KSR2: variants seen among roughly 807,000 people sequenced by gnomAD.
KSR2 encodes the protein kinase suppressor of ras 2.
A neutral mutation model predicts 107.8 loss-of-function variants in KSR2; 25 were observed. The ratio of observed to expected loss-of-function variants is 0.23; its 90% CI spans 0.17 to 0.32. The LOEUF is 0.32. Among genes scored for constraint, KSR2 ranks in the 10% least tolerant of loss-of-function variants. The pLI is 1.00. For synonymous variants in KSR2, 480 were observed against 507.0 expected (o/e 0.95, Z 0.71); for missense variants, 887 against 1,268.9 (o/e 0.70, Z 4.57).
intron 12 of KSR2, among the ~76,000 whole-genome samples, chr12:117,527,326 G>C (rs7308318): frequency 0.015 from 1,057 of 71,496 alleles, 16 homozygotes; most frequent in African/African-American, 0.05. Flanking sequence ...CACACACACA[G>C]ACACACACAC....
chr12:117,637,684 T>TTTTTTG (rs1555223743), intron 5 of KSR2, among the ~76,000 whole-genome samples: 2 of 133,032 alleles, frequency 1.5e-5, no homozygotes, highest in South Asian at 2.7e-4. Flanking sequence ...GGTTTTTTTT[T>TTTTTTG]TTTTTTTTTT....
At chr12:117,709,734 T>A (rs1261121664) in intron 4 of KSR2, among the ~76,000 whole-genome samples, 1 of 152,182 alleles carries the variant, frequency 6.6e-6, no homozygotes, top group Non-Finnish European at 1.5e-5. Context: ...ACTGTTGACA[T>A]TTGGGGCCAG....
intron 5 of KSR2, among the ~76,000 whole-genome samples, chr12:117,583,400 A>G (rs1417648111): frequency 3.7e-5 from 4 of 107,660 alleles, no homozygotes; most frequent in Non-Finnish European, 7.6e-5. Flanking sequence ...TGGGTGGGTG[A>G]GTGAGTGGAT....
intron 5 of KSR2, among the ~76,000 whole-genome samples, chr12:117,656,958 A>ATATATATATAT (rs1555225255): frequency 3.4e-5 from 3 of 87,948 alleles, no homozygotes; most frequent in Non-Finnish European, 5.9e-5. Context: ...ATATATATAT[A>ATATATATATAT]ATAGGATATA....
intron 4 of KSR2, among the ~76,000 whole-genome samples, chr12:117,698,990 C>T (rs1486799285): frequency 6.6e-6 from 1 of 152,178 alleles, no homozygotes; most frequent in Non-Finnish European, 1.5e-5. Context: ...ATCAGAGAGG[C>T]CATCCCGTCC....
Position 117,860,867 on chromosome 12 carries a change from C to T in KSR2, c.181-436G>A, listed in dbSNP as rs146140033. ...CCAAGTATCTGGGATTACAGGCGCG[C>T]GCCACCATGCCTGGCTAATTTTTGT... On this transcript the variant is annotated intron_variant, in intron 1 of 19. Transcript: ENST00000339824. Among the ~76,000 whole-genome samples, 1,318 of 152,140 alleles carry T rather than the reference C, an allele frequency of 8.7e-3. 13 individuals carry two copies. The highest frequency in any genetic ancestry group is 0.013 in the Non-Finnish European group (877 of 68,008).
At chr12:117,869,719 T>C (rs1893590618) in intron 1 of KSR2, among the ~76,000 whole-genome samples, 1 of 152,238 alleles carries the variant, frequency 6.6e-6, no homozygotes, top group African/African-American at 2.4e-5. Context: ...ATCTTCTGCA[T>C]GAAGGATTCC....
At chr12:117,898,938 C>T (rs1372367814) in intron 1 of KSR2, among the ~76,000 whole-genome samples, 1 of 152,140 alleles carries the variant, frequency 6.6e-6, no homozygotes, top group African/African-American at 2.4e-5. Context: ...TAAATTCCTA[C>T]TTGGAGGCAG....
In KSR2 at chr12:117,615,569, T is replaced by A. The variant is rs117512338; in HGVS notation, c.1172-33210A>T. 1.5e-4 allele frequency among the ~76,000 whole-genome samples: 23 copies of A among 152,188 alleles called. No homozygotes were observed. The East Asian group carries it at 2.5e-3, about 17-fold the overall frequency. On this transcript the variant is annotated intron_variant, in intron 5 of 19. Coordinates refer to ENST00000339824, the MANE Select transcript of KSR2 (RefSeq NM_173598.6). ...CTGTGAAACTAGGGCTCCCATGTCATAAGGAAACTCAAGGAGACCAATAGA... is the reference window on the plus strand; with the variant it reads ...CTGTGAAACTAGGGCTCCCATGTCAAAAGGAAACTCAAGGAGACCAATAGA...
chr12:117,787,006 G>T (rs1026220067), intron 3 of KSR2, among the ~76,000 whole-genome samples: 1 of 147,732 alleles, frequency 6.8e-6, no homozygotes. Context: ...TGCAGCCTGG[G>T]TAACAAGAGC....
chr12:117,828,904 C>T (rs1891853352), intron 3 of KSR2, among the ~76,000 whole-genome samples: 1 of 152,328 alleles, frequency 6.6e-6, no homozygotes, highest in South Asian at 2.1e-4. Flanking sequence ...CCATTGGCCT[C>T]AGAAGGTGGG....
chr12:117,589,728 T>C (rs1880211347), intron 5 of KSR2, among the ~76,000 whole-genome samples: 1 of 152,260 alleles, frequency 6.6e-6, no homozygotes, highest in South Asian at 2.1e-4. Context: ...AGGATAACTC[T>C]ATTTGCTTTA....
At chr12:117,821,118 T>C (rs1319211541) in intron 3 of KSR2, among the ~76,000 whole-genome samples, 3 of 152,164 alleles carry the variant, frequency 2.0e-5, no homozygotes, top group Admixed American at 1.3e-4. Flanking sequence ...ATAATGCTGT[T>C]GGGAGGATTA....
chr12:117,781,211 C>T (rs1190569173), intron 3 of KSR2, among the ~76,000 whole-genome samples: 3 of 152,220 alleles, frequency 2.0e-5, no homozygotes, highest in African/African-American at 4.8e-5. Flanking sequence ...CCGCCATGAT[C>T]GTGAGGCCTC....
chr12:117,521,079 T>C (rs1331222920), intron 14 of KSR2, among the ~76,000 whole-genome samples: 1 of 152,168 alleles, frequency 6.6e-6, no homozygotes, highest in Non-Finnish European at 1.5e-5. Flanking sequence ...TGAGAACCCC[T>C]GCCCTCTCCA....
At chr12:117,690,919 T>C (rs139125790) in intron 4 of KSR2, among the ~76,000 whole-genome samples, 2 of 152,322 alleles carry the variant, frequency 1.3e-5, no homozygotes, top group Non-Finnish European at 2.9e-5. Flanking sequence ...TCTGTGGTCC[T>C]GCAGGTTCTC....
chr12:117,470,441 T>A (rs1348350161), intron 18 of KSR2, among the ~76,000 whole-genome samples: 2 of 152,204 alleles, frequency 1.3e-5, no homozygotes, highest in Non-Finnish European at 2.9e-5. Flanking sequence ...TCTTCCCATG[T>A]ACTTTCTGAG....
intron 1 of KSR2, among the ~76,000 whole-genome samples, chr12:117,954,200 T>C (rs1272847399): frequency 6.6e-6 from 1 of 152,228 alleles, no homozygotes; most frequent in African/African-American, 2.4e-5. Context: ...ACCCTAAATC[T>C]GGACACTGGG....
intron 3 of KSR2, among the ~76,000 whole-genome samples, chr12:117,792,180 A>T (rs1036037453): frequency 1.1e-4 from 11 of 101,980 alleles, no homozygotes; most frequent in Non-Finnish European, 2.0e-4. Flanking sequence ...TCTACAAAAA[A>T]AAAAATAAAT....
Sources: gnomAD v4.1 joint callset for allele counts (sites outside exome capture counted in the v4.1 genomes callset) on GRCh38, gnomAD v4.1.1 for gene constraint, MANE v1.5 for transcripts, NCBI Gene and HGNC (gene_info 2026-07-23, HGNC 2026-07-21) for gene names.